ADCY2: variants seen among roughly 807,000 people sequenced by gnomAD.
ADCY2 encodes the protein adenylate cyclase 2.
In ADCY2, 31 loss-of-function variants were observed where a neutral mutation model predicts 125.2. That is an observed-to-expected ratio of 0.25 (90% CI 0.19 to 0.33). The LOEUF is 0.33. Ranked by LOEUF, ADCY2 falls within the 10% of genes least tolerant of loss-of-function variation. The pLI is 1.00. For synonymous variants in ADCY2, 512 were observed against 548.4 expected (o/e 0.93, Z 0.93); for missense variants, 904 against 1,418.2 (o/e 0.64, Z 5.82).
At chr5:7,817,566 C>T (rs926932109) in intron 23 of ADCY2, among the ~76,000 whole-genome samples, 1 of 152,052 alleles carries the variant, frequency 6.6e-6, no homozygotes, top group African/African-American at 2.4e-5. Context: ...GTGGCTCATG[C>T]CTGTAACCCC....
At chr5:7,775,175 TTG>T (rs200142910) in intron 18 of ADCY2, among the ~76,000 whole-genome samples, 8,395 of 146,136 alleles carry the variant, frequency 0.057, 259 homozygotes, top group South Asian at 0.14. Flanking sequence ...CCCAGCTACT[TTG>T]TGTGTGTGTG....
At chr5:7,672,587 C>A (rs1328424246) in intron 4 of ADCY2, among the ~76,000 whole-genome samples, 1 of 152,084 alleles carries the variant, frequency 6.6e-6, no homozygotes, top group African/African-American at 2.4e-5. Context: ...ACAGCCTCGA[C>A]CTCCTGGGCT....
intron 3 of ADCY2, among the ~76,000 whole-genome samples, chr5:7,589,567 A>G (rs1736781658): frequency 6.6e-6 from 1 of 151,662 alleles, no homozygotes; most frequent in South Asian, 2.1e-4. Context: ...GGAAGGAAGG[A>G]GAGAAAAGAA....
intron 3 of ADCY2, among the ~76,000 whole-genome samples, chr5:7,539,313 A>G (rs773506779): frequency 1.3e-5 from 2 of 152,074 alleles, no homozygotes; most frequent in Non-Finnish European, 1.5e-5. Context: ...AGCAACTGCT[A>G]TATTCCAGTA....
intron 4 of ADCY2, among the ~76,000 whole-genome samples, chr5:7,662,742 C>G (rs1351355644): frequency 6.6e-6 from 1 of 152,206 alleles, no homozygotes; most frequent in Non-Finnish European, 1.5e-5. Context: ...ACGGACCACC[C>G]TATCCTGGTT....
intron 3 of ADCY2, among the ~76,000 whole-genome samples, chr5:7,539,197 A>G (rs1298875884): frequency 1.3e-5 from 2 of 152,084 alleles, no homozygotes; most frequent in Non-Finnish European, 2.9e-5. Context: ...TTGTATTTTT[A>G]CAAATCAGAG....
chr5:7,788,624 C>G (rs575201775), intron 19 of ADCY2, among the ~76,000 whole-genome samples: 3 of 152,260 alleles, frequency 2.0e-5, no homozygotes, highest in African/African-American at 7.2e-5. Context: ...AATGAATGAT[C>G]ATCGTTCTTT....
At chr5:7,747,062 G>A (rs1742648391) in intron 15 of ADCY2, among the ~76,000 whole-genome samples, 1 of 152,182 alleles carries the variant, frequency 6.6e-6, no homozygotes, top group African/African-American at 2.4e-5. Context: ...CAAACACATG[G>A]CAGGCATTTC....
chr5:7,787,002 G>A (rs1025277026), intron 19 of ADCY2, among the ~76,000 whole-genome samples: 1 of 152,188 alleles, frequency 6.6e-6, no homozygotes, highest in Non-Finnish European at 1.5e-5. Context: ...ATGTCCTGGA[G>A]GATTCTCCTG....
At chr5:7,592,537 GA>G (rs546910992) in intron 3 of ADCY2, among the ~76,000 whole-genome samples, 200 of 139,388 alleles carry the variant, frequency 1.4e-3, no homozygotes, top group African/African-American at 4.6e-3. Flanking sequence ...TGTACTAGGG[GA>G]ACTGGAAAAA....
At chr5:7,742,069 C>T (rs1742452853) in intron 14 of ADCY2, among the ~76,000 whole-genome samples, 2 of 149,456 alleles carry the variant, frequency 1.3e-5, no homozygotes, top group Non-Finnish European at 3.0e-5. Flanking sequence ...TTTCTAAACT[C>T]AGCCTTATGA....
chr5:7,765,362 C>T (rs1324271639), intron 16 of ADCY2, among the ~76,000 whole-genome samples: 1 of 152,122 alleles, frequency 6.6e-6, no homozygotes, highest in African/African-American at 2.4e-5. Flanking sequence ...GTTTGCCAAG[C>T]AATTATTCCA....
At chr5:7,646,588 C>CT in intron 4 of ADCY2, among the ~76,000 whole-genome samples, 1 of 152,250 alleles carries the variant, frequency 6.6e-6, no homozygotes, top group South Asian at 2.1e-4. Context: ...GTTTAGTACT[C>CT]TGAGCCTTCA....
chr5:7,698,642 G>A (rs568050896), intron 7 of ADCY2, among the ~76,000 whole-genome samples: 59 of 152,202 alleles, frequency 3.9e-4, no homozygotes, highest in African/African-American at 1.3e-3. Flanking sequence ...GCGGTATTTG[G>A]TTTTCTGTTC....
intron 4 of ADCY2, among the ~76,000 whole-genome samples, chr5:7,678,384 C>G (rs1301998175): frequency 6.6e-6 from 1 of 152,030 alleles, no homozygotes; most frequent in Non-Finnish European, 1.5e-5. Context: ...CTTCATCAGC[C>G]CTAGAAAGAT....
chr5:7,602,524 A>T (rs1737250469), intron 3 of ADCY2, among the ~76,000 whole-genome samples: 2 of 152,240 alleles, frequency 1.3e-5, no homozygotes. Context: ...TACCTACAAG[A>T]AGTCTCCTCT....
At chr5:7,775,209 GTA>G (rs1553987616) in intron 18 of ADCY2, among the ~76,000 whole-genome samples, 1 of 149,084 alleles carries the variant, frequency 6.7e-6, no homozygotes, top group Non-Finnish European at 1.5e-5. Context: ...GTGTGTGTGT[GTA>G]TGCACACACA....
chr5:7,746,089 C>G (rs1184145418), intron 15 of ADCY2: 1 of 152,570 alleles, frequency 6.6e-6, no homozygotes, highest in Non-Finnish European at 1.5e-5. Context: ...CCTGCCCTCC[C>G]GTCCCTGGAG....
chr5:7,412,566 G>A (rs981028544), intron 1 of ADCY2, among the ~76,000 whole-genome samples: 6 of 152,254 alleles, frequency 3.9e-5, no homozygotes, highest in South Asian at 2.1e-4. Flanking sequence ...TGTAAACTGT[G>A]TCTGAGGGTA....
Sources: allele counts gnomAD v4.1 joint callset (sites outside exome capture counted in the v4.1 genomes callset), GRCh38; gene constraint gnomAD v4.1.1; transcripts MANE v1.5; gene names NCBI Gene and HGNC (gene_info 2026-07-23, HGNC 2026-07-21).